Variants in DENND2B observed in about 807,000 individuals in gnomAD.
The protein encoded by DENND2B is DENN domain containing 2B.
DENND2B carries 32 observed loss-of-function variants against 116.0 expected under a neutral mutation model. That is an observed-to-expected ratio of 0.28 (90% confidence interval 0.21 to 0.37). The LOEUF is 0.37. DENND2B is among the 10% of genes least tolerant of loss of function. The probability of loss-of-function intolerance (pLI) is 1.00; values close to 1 mark genes in which losing one functional copy is unlikely to be tolerated. For synonymous variants in DENND2B, 588 were observed against 583.9 expected, an observed-to-expected ratio of 1.01 and a Z score of -0.10; for missense variants, 1,276 against 1,477.7, an observed-to-expected ratio of 0.86 and a Z score of 2.24.
chr11:8,878,542 A>G (rs917702999), intron 2 of DENND2B, among the ~76,000 whole-genome samples: 2 of 152,144 alleles, frequency 1.3e-5, no homozygotes, highest in Non-Finnish European at 2.9e-5. Context: ...GGCACCTGCC[A>G]TCATGACCAA....
chr11:8,824,487 T>C lies in DENND2B; in HGVS notation c.-114-13152A>G, dbSNP rs142556243. ...TGCTCCTGCATTAGTTTGCTAAGGA[T>C]AGTGGCCTCCAGCTCCATCCATGTT... On this transcript the variant is annotated intron_variant, in intron 4 of 6. Transcript: ENST00000524757. 3.6e-3 allele frequency among the ~76,000 whole-genome samples: 542 copies of C among 152,282 alleles called. 2 individuals are homozygous for C. The highest frequency in any genetic ancestry group is 0.012 in the African/African-American group (513 of 41,530).
Position 8,717,887 on chromosome 11 carries a change from G to A in DENND2B, c.1483C>T (p.Leu495=). The A allele has an allele frequency of 1.2e-6, 2 of 1,609,760 alleles. No individual in the cohort carries two copies. The highest frequency in any genetic ancestry group is 1.7e-6 in the Non-Finnish European group (2 of 1,177,662). Residue 495 remains leucine, a synonymous_variant, in exon 5 of 20, where the codon CTG becomes TTG. Transcript: ENST00000313726. ...ENAYEDIVGD[L]PKENPYEDVD... ...TCCTCATATGGATTCTCCTTGGGCA[G>A]ATCTCCTGCAGAGGAGGAAGAGTTA...
exon 1 of DENND2B, chr11:8,910,925 G>T (rs2064315833): frequency 3.1e-5 from 1 of 32,304 alleles, no homozygotes; most frequent in Non-Finnish European, 8.6e-5. Flanking sequence ...TCAGTCCTCA[G>T]CCCCCAGCCC....
intron 1 of DENND2B, among the ~76,000 whole-genome samples, chr11:8,782,975 A>G (rs1044890138): frequency 4.0e-5 from 6 of 151,734 alleles, no homozygotes; most frequent in Non-Finnish European, 4.4e-5. Flanking sequence ...AGAAACTTCT[A>G]GCAATAACTA....
At chr11:8,718,126 C>T (rs112401333) in intron 4 of DENND2B, 3 of 415,632 alleles carry the variant, frequency 7.2e-6, no homozygotes, top group Non-Finnish European at 1.3e-5. Flanking sequence ...CCCCCACCCC[C>T]AGCCCAGCTC....
chr11:8,732,647 G>A (rs780600355), intron 2 of DENND2B, among the ~76,000 whole-genome samples: 19 of 152,208 alleles, frequency 1.2e-4, no homozygotes, highest in Non-Finnish European at 2.5e-4. Context: ...GCAAAAGGAA[G>A]GGAAAGGTGA....
chr11:8,734,044 C>T (rs2048550426), intron 2 of DENND2B, among the ~76,000 whole-genome samples: 1 of 152,198 alleles, frequency 6.6e-6, no homozygotes, highest in Non-Finnish European at 1.5e-5. Flanking sequence ...CCTGTGCTGA[C>T]CTGAAGCCCC....
intron 1 of DENND2B, among the ~76,000 whole-genome samples, chr11:8,757,744 G>A (rs1035178207): frequency 6.6e-6 from 1 of 152,174 alleles, no homozygotes; most frequent in Non-Finnish European, 1.5e-5. Flanking sequence ...AAGATAGAGA[G>A]CAGTTAATTA....
At chr11:8,827,800 G>A (rs2062036560) in intron 4 of DENND2B, among the ~76,000 whole-genome samples, 1 of 152,226 alleles carries the variant, frequency 6.6e-6, no homozygotes, top group Admixed American at 6.5e-5. Flanking sequence ...TGGCTAGGAA[G>A]AGAGACAGCT....
chr11:8,794,609 A>G (rs751757185), intron 1 of DENND2B: 4 of 152,302 alleles, frequency 2.6e-5, no homozygotes, highest in African/African-American at 4.8e-5. Context: ...AGAAAGAAGC[A>G]AGCCCAGAAA....
intron 1 of DENND2B, among the ~76,000 whole-genome samples, chr11:8,780,984 G>A (rs534619197): frequency 1.1e-4 from 17 of 152,264 alleles, no homozygotes; most frequent in Admixed American, 4.6e-4. Context: ...AGGGGACAGC[G>A]AAGGAGTGGG....
chr11:8,718,636 T>C, intron 4 of DENND2B: 2 of 1,309,872 alleles, frequency 1.5e-6, no homozygotes, highest in Non-Finnish European at 1.9e-6. Context: ...TCTCCTGCTG[T>C]GACACAGGGG....
chr11:8,872,281 GT>G (rs888307141), upstream of DENND2B, among the ~76,000 whole-genome samples: 238 of 152,216 alleles, frequency 1.6e-3, 1 homozygote, highest in African/African-American at 5.4e-3. Context: ...CAGGTCAAGA[GT>G]TCAAGACCAG....
intron 11 of DENND2B, 73 bp downstream of exon 11, chr11:8,710,771 AC>A (rs2043492319): frequency 2.3e-6 from 3 of 1,294,636 alleles, no homozygotes; most frequent in Admixed American, 1.7e-5. Flanking sequence ...ACACACACAC[AC>A]ACACACACAC....
chr11:8,820,385 G>A (rs2061716291), intron 4 of DENND2B, among the ~76,000 whole-genome samples: 1 of 152,140 alleles, frequency 6.6e-6, no homozygotes, highest in South Asian at 2.1e-4. Flanking sequence ...AATGCTCACA[G>A]ACTTTGACTC....
intron 1 of DENND2B, among the ~76,000 whole-genome samples, chr11:8,889,052 A>G (rs1374611976): frequency 6.6e-6 from 1 of 152,224 alleles, no homozygotes; most frequent in Non-Finnish European, 1.5e-5. Context: ...TAGAATTACC[A>G]TATGTTCCAG....
intron 1 of DENND2B, among the ~76,000 whole-genome samples, chr11:8,759,884 GGCCCTCA>G (rs1365818012): frequency 6.6e-6 from 1 of 152,190 alleles, no homozygotes; most frequent in East Asian, 1.9e-4. Context: ...AACCAATACT[GGCCCTCA>G]GATTCTAAGG....
At chr11:8,715,107 C>T (rs942285058) in intron 6 of DENND2B, among the ~76,000 whole-genome samples, 2 of 152,162 alleles carry the variant, frequency 1.3e-5, no homozygotes, top group Non-Finnish European at 2.9e-5. Context: ...CCTGGGGCCC[C>T]GACAGGAAGA....
At chr11:8,717,287 T>A (rs572674174) in intron 5 of DENND2B, among the ~76,000 whole-genome samples, 1 of 152,150 alleles carries the variant, frequency 6.6e-6, no homozygotes. Flanking sequence ...CAAATGTGGT[T>A]TGGGGACCTA....
Sources: allele counts gnomAD v4.1 joint callset (sites outside exome capture counted in the v4.1 genomes callset), GRCh38; gene constraint gnomAD v4.1.1; transcripts MANE v1.5; gene names NCBI Gene and HGNC (gene_info 2026-07-23, HGNC 2026-07-21).